The following DDX50 variants were observed in gnomAD, a reference collection of about 807,000 sequenced individuals.
DDX50 encodes ATP-dependent RNA helicase DDX50.
DDX50 carries 56 observed loss-of-function variants against 94.8 expected under a neutral mutation model. The observed-to-expected ratio is 0.59, with a 90% confidence interval of 0.48 to 0.74. The LOEUF is 0.74. Among genes scored for constraint, DDX50 ranks in the 30% least tolerant of loss-of-function variants. The pLI is 0.00. For missense variants in DDX50, 713 were observed against 881.2 expected, an observed-to-expected ratio of 0.81 and a Z score of 2.42; for synonymous variants, 264 against 295.4, an observed-to-expected ratio of 0.89 and a Z score of 1.09.
intron 4 of DDX50, among the ~76,000 whole-genome samples, chr10:68,912,855 G>A (rs1388696998): frequency 3.9e-5 from 6 of 152,156 alleles, no homozygotes; most frequent in African/African-American, 1.4e-4. Flanking sequence ...GGGTGAGATA[G>A]ACAATCAGCA....
chr10:68,937,495 A>T (rs557140502), intron 12 of DDX50, among the ~76,000 whole-genome samples: 3 of 152,086 alleles, frequency 2.0e-5, no homozygotes, highest in African/African-American at 7.2e-5. Context: ...TCAGATCAGG[A>T]TCATTAGCGT....
chr10:68,936,198 T>C, intron 11 of DDX50, 119 bp downstream of exon 11: 1 of 731,232 alleles, frequency 1.4e-6, no homozygotes, highest in Non-Finnish European at 2.1e-6. Context: ...GACATTTAGT[T>C]ATATTAAAAT....
chr10:68,926,825 T>A (rs2132045048), intron 8 of DDX50, among the ~76,000 whole-genome samples: 1 of 150,744 alleles, frequency 6.6e-6, no homozygotes, highest in Non-Finnish European at 1.5e-5. Context: ...AAAAAAAAAT[T>A]ATTCAAAAGT....
rs772750998 is a variant in DDX50 at position 68,936,990 on chromosome 10, G to T, written c.1650G>T (p.Gln550His). The T allele has an allele frequency of 2.5e-6, 4 of 1,611,780 alleles. No individual in the cohort carries two copies. Among genetic ancestry groups the T allele is most frequent in the Non-Finnish European group, 3.4e-6 (4 of 1,179,690 alleles). ...AAVDFFRPSA[Q>H]RLIEEKGAVD... ...TTGATTTTTTCCGACCATCAGCTCAGAGACTGATAGAAGAGAAAGGTGCAG... is the reference window on the plus strand; with the variant it reads ...TTGATTTTTTCCGACCATCAGCTCATAGACTGATAGAAGAGAAAGGTGCAG... The change falls in exon 12 of 15, where the codon CAG becomes CAT. Residue 550 changes from glutamine (Q) to histidine (H), a missense_variant. By Grantham distance (24) the Gln-to-His change is conservative. Coordinates refer to ENST00000373585, the MANE Select transcript of DDX50 (RefSeq NM_024045.2).
At chr10:68,921,945 G>C (rs1841951140) in intron 8 of DDX50, among the ~76,000 whole-genome samples, 1 of 151,982 alleles carries the variant, frequency 6.6e-6, no homozygotes, top group Non-Finnish European at 1.5e-5. Flanking sequence ...AATATATTTT[G>C]GTGGTGTTCT....
At chr10:68,910,226 G>T in intron 2 of DDX50, 81 bp from the exon 3 acceptor site, 4 of 1,186,870 alleles carry the variant, frequency 3.4e-6, no homozygotes, top group South Asian at 2.7e-5. Context: ...TTCCTTGTAA[G>T]TTAATCTGTA....
chr10:68,946,666 T>A lies in DDX50; in HGVS notation c.*36T>A, dbSNP rs375190793. The A allele has an allele frequency of 6.0e-5, 96 of 1,588,640 alleles. No homozygotes were observed. Among genetic ancestry groups the A allele is most frequent in the Non-Finnish European group, 8.1e-5 (94 of 1,165,186 alleles). On this transcript the variant is annotated 3_prime_UTR_variant, in exon 15 of 15. Coordinates refer to ENST00000373585, the MANE Select transcript of DDX50 (RefSeq NM_024045.2). ...GTTAATCTACCAGTGTGAGCTTGCCTATTTCTGCCTAATCATGTACATTAT... is the reference window on the plus strand; with the variant it reads ...GTTAATCTACCAGTGTGAGCTTGCCAATTTCTGCCTAATCATGTACATTAT...
chr10:68,915,488 C>G (rs569030911), intron 7 of DDX50, among the ~76,000 whole-genome samples: 1 of 151,826 alleles, frequency 6.6e-6, no homozygotes, highest in Non-Finnish European at 1.5e-5. Flanking sequence ...GAGGCTGAGG[C>G]GGGCAGATCA....
chr10:68,946,264 A>T, intron 14 of DDX50, 88 bp from the exon 15 acceptor site: 13 of 1,451,208 alleles, frequency 9.0e-6, no homozygotes, highest in Non-Finnish European at 1.2e-5. Flanking sequence ...TAGCTAATAG[A>T]TATGAAAAAG....
rs1841472932 is a variant in DDX50 at position 68,907,015 on chromosome 10, A to G, written c.384+8A>G. The G allele has an allele frequency of 1.9e-5, 30 of 1,569,412 alleles. No individual in the cohort carries two copies. Among genetic ancestry groups the G allele is most frequent in the Non-Finnish European group, 2.6e-5 (30 of 1,167,726 alleles). ...GATAATAAACTAGAGGAGGTATGGAAGCTTTTTATTTTGCATTTGACATTG... is the reference window on the plus strand; with the variant it reads ...GATAATAAACTAGAGGAGGTATGGAGGCTTTTTATTTTGCATTTGACATTG... On this transcript the variant is annotated splice_region_variant and intron_variant, in intron 2 of 14. Transcript: ENST00000373585.
intron 14 of DDX50, among the ~76,000 whole-genome samples, chr10:68,945,210 T>C (rs1344345588): frequency 6.6e-6 from 1 of 152,154 alleles, no homozygotes; most frequent in Non-Finnish European, 1.5e-5. Context: ...TGGTTATATA[T>C]TGCCAAACCC....
chr10:68,929,799 T>G (rs1842203335), intron 8 of DDX50, among the ~76,000 whole-genome samples: 1 of 147,300 alleles, frequency 6.8e-6, no homozygotes. Flanking sequence ...CGATGTCGAC[T>G]CACTGAAACC....
At chr10:68,919,343 T>C (rs555750136) in intron 7 of DDX50, among the ~76,000 whole-genome samples, 2 of 152,324 alleles carry the variant, frequency 1.3e-5, no homozygotes, top group South Asian at 4.1e-4. Flanking sequence ...TTTGAAAAAT[T>C]CATATGTGTG....
chr10:68,937,536 GTTTTAGGAACCAT>G (rs372333869), intron 12 of DDX50, among the ~76,000 whole-genome samples: 1 of 146,000 alleles, frequency 6.8e-6, no homozygotes, highest in African/African-American at 2.5e-5. Context: ...TCATTTCTTT[GTTTTAGGAACCAT>G]TCAATATCTT....
chr10:68,904,682 C>T (rs575458876), intron 1 of DDX50, among the ~76,000 whole-genome samples: 6 of 152,276 alleles, frequency 3.9e-5, no homozygotes, highest in South Asian at 2.1e-4. Context: ...GGGCTTAGAC[C>T]GAGAGGTCTC....
chr10:68,901,919 G>C (rs1004450142), intron 1 of DDX50, among the ~76,000 whole-genome samples: 1 of 152,170 alleles, frequency 6.6e-6, no homozygotes, highest in African/African-American at 2.4e-5. Flanking sequence ...TAGGTTTACA[G>C]ACCTCAATAA....
intron 11 of DDX50, 122 bp from the exon 12 acceptor site, chr10:68,936,814 C>T: frequency 2.0e-6 from 2 of 989,504 alleles, no homozygotes; most frequent in Non-Finnish European, 2.9e-6. Flanking sequence ...GCGCTCCAGA[C>T]TGGGTGACAG....
chr10:68,933,806 G>A (rs1406483595), intron 8 of DDX50, among the ~76,000 whole-genome samples: 3 of 151,886 alleles, frequency 2.0e-5, no homozygotes, highest in African/African-American at 7.3e-5. Flanking sequence ...ATAGTGGCAG[G>A]CACCTGTAAT....
At chr10:68,925,094 G>GTT (rs752888119) in intron 8 of DDX50, among the ~76,000 whole-genome samples, 1,506 of 88,932 alleles carry the variant, frequency 0.017, 94 homozygotes, top group African/African-American at 0.052. Flanking sequence ...CCCTGCTCAT[G>GTT]GTTTTTTTTT....
Sources: gnomAD v4.1 joint callset for allele counts (sites outside exome capture counted in the v4.1 genomes callset) on GRCh38, gnomAD v4.1.1 for gene constraint, MANE v1.5 for transcripts, NCBI Gene and HGNC (gene_info 2026-07-23, HGNC 2026-07-21) for gene names.